The following THSD7B variants were observed in gnomAD, a reference collection of about 807,000 sequenced individuals.
THSD7B encodes the protein thrombospondin type-1 domain-containing protein 7B.
A neutral mutation model predicts 213.6 loss-of-function variants in THSD7B; 138 were observed. The observed-to-expected ratio is 0.65, with a 90% CI of 0.56 to 0.74. THSD7B has a LOEUF of 0.74. Ranked by LOEUF, THSD7B falls within the 30% of genes least tolerant of loss-of-function variation. The pLI is 0.00. For missense variants in THSD7B, 1,931 were observed against 1,991.5 expected (o/e 0.97, Z 0.58); for synonymous variants, 742 against 687.0 (o/e 1.08, Z -1.25).
At chr2:136,964,002 TTGTC>T (rs71923982) in intron 2 of THSD7B, among the ~76,000 whole-genome samples, 61,938 of 132,084 alleles carry the variant, frequency 0.47, 15,071 homozygotes, top group Non-Finnish European at 0.58. Context: ...ACCCAACTCT[TTGTC>T]TGTCCTCTAG....
chr2:136,957,915 A>G (rs1035324118), intron 2 of THSD7B, among the ~76,000 whole-genome samples: 2 of 152,202 alleles, frequency 1.3e-5, no homozygotes, highest in African/African-American at 4.8e-5. Context: ...TATGCTGCCT[A>G]TGTAAATCAG....
chr2:136,893,402 C>G (rs1359983757), intron 2 of THSD7B, among the ~76,000 whole-genome samples: 1 of 152,118 alleles, frequency 6.6e-6, no homozygotes, highest in African/African-American at 2.4e-5. Context: ...AAATGTCTCC[C>G]TGCACCTTTT....
At chr2:137,537,158 G>T (rs796363880) in intron 15 of THSD7B, among the ~76,000 whole-genome samples, 12 of 151,746 alleles carry the variant, frequency 7.9e-5, no homozygotes, top group African/African-American at 2.9e-4. Flanking sequence ...TCAAGCTTTG[G>T]TATTAATACT....
In THSD7B at chr2:137,438,224, T is replaced by C. The variant is rs181921076; in HGVS notation, c.2960-12621T>C. On this transcript the variant is annotated intron_variant, in intron 14 of 27. Coordinates refer to ENST00000409968, the MANE Select transcript of THSD7B (RefSeq NM_001316349.2). ...GTAACACCACAAGTAGTAAGTGTCCTGGTTGATTTTGAACTTAGGTCTTTA... is the reference window on the plus strand; with the variant it reads ...GTAACACCACAAGTAGTAAGTGTCCCGGTTGATTTTGAACTTAGGTCTTTA... Among the ~76,000 whole-genome samples the C allele has an allele frequency of 2.4e-3, 363 of 152,280 alleles. 1 individual carries two copies. Among genetic ancestry groups the C allele is most frequent in the African/African-American group, 7.9e-3 (327 of 41,572 alleles).
intron 3 of THSD7B, among the ~76,000 whole-genome samples, chr2:137,069,838 TATA>T (rs1168005632): frequency 6.6e-6 from 1 of 150,790 alleles, no homozygotes; most frequent in African/African-American, 2.4e-5. Context: ...ACTGTAAACA[TATA>T]TTACATATAA....
intron 2 of THSD7B, among the ~76,000 whole-genome samples, chr2:137,024,765 TCAA>T (rs1686514425): frequency 6.6e-6 from 1 of 152,162 alleles, no homozygotes; most frequent in African/African-American, 2.4e-5. Flanking sequence ...CTTCATCTCA[TCAA>T]ATAATACCTC....
At chr2:136,948,968 T>C (rs1292743200) in intron 2 of THSD7B, among the ~76,000 whole-genome samples, 1 of 152,106 alleles carries the variant, frequency 6.6e-6, no homozygotes, top group Non-Finnish European at 1.5e-5. Context: ...ATTGGTTTTT[T>C]AAAAAAAATT....
chr2:137,141,900 G>A (rs1400516229), intron 5 of THSD7B, among the ~76,000 whole-genome samples: 2 of 152,020 alleles, frequency 1.3e-5, no homozygotes, highest in Admixed American at 1.3e-4. Flanking sequence ...AAACATTCAT[G>A]TAGTAGATAC....
chr2:136,791,987 C>T (rs760689600), intron 1 of THSD7B, among the ~76,000 whole-genome samples: 14 of 151,946 alleles, frequency 9.2e-5, no homozygotes, highest in Middle Eastern at 3.2e-3. Flanking sequence ...TTTTACAATC[C>T]GACCAGCAGT....
At chr2:137,201,983 A>C (rs958418478) in intron 7 of THSD7B, among the ~76,000 whole-genome samples, 1 of 151,970 alleles carries the variant, frequency 6.6e-6, no homozygotes, top group African/African-American at 2.4e-5. Flanking sequence ...TTCCTTGTTA[A>C]TCTCTCAGGG....
At chr2:137,235,316 A>G (rs1433560654) in intron 9 of THSD7B, among the ~76,000 whole-genome samples, 1 of 152,202 alleles carries the variant, frequency 6.6e-6, no homozygotes, top group Non-Finnish European at 1.5e-5. Flanking sequence ...GCAGCAAACT[A>G]TTATTCTTTA....
rs55814718 is a variant in THSD7B, at chr2:136,825,718, A to ATTTTTTTTTTTTTTTTTTT, written c.-35-56410_-35-56409insTTTTTTTTTTTTTTTTTTT. On this transcript the variant is annotated intron_variant, in intron 1 of 27. Transcript: ENST00000409968. ...AGGTGCTCACTGCCATGCCTGGCTA[A>ATTTTTTTTTTTTTTTTTTT]TTTTTTTTTTTTTTTTAGATCTGGG... Among the ~76,000 whole-genome samples, 231 of 116,842 alleles carry ATTTTTTTTTTTTTTTTTTT rather than the reference A, an allele frequency of 2.0e-3. 17 individuals carry two copies. Among genetic ancestry groups the ATTTTTTTTTTTTTTTTTTT allele is most frequent in the East Asian group, 0.015 (42 of 2,726 alleles). 76.7% of individuals were successfully genotyped at this position (116,842 alleles called of 152,430 possible). A position where few individuals can be genotyped will look rare whatever the true frequency, so the allele number is the denominator to read the frequency against.
At chr2:136,878,925 A>T (rs13397019) in intron 1 of THSD7B, among the ~76,000 whole-genome samples, 3 of 151,936 alleles carry the variant, frequency 2.0e-5, no homozygotes, top group Non-Finnish European at 4.4e-5. Context: ...GTTTAATTAG[A>T]TCCCATTTGT....
intron 2 of THSD7B, among the ~76,000 whole-genome samples, chr2:136,933,219 G>A (rs1684664401): frequency 1.4e-5 from 2 of 147,864 alleles, no homozygotes; most frequent in African/African-American, 5.1e-5. Flanking sequence ...CAAGTTGTTT[G>A]GACTTGGAAA....
At chr2:137,063,957 A>G (rs569134952) in intron 3 of THSD7B, among the ~76,000 whole-genome samples, 27 of 152,210 alleles carry the variant, frequency 1.8e-4, no homozygotes, top group East Asian at 5.8e-4. Context: ...ACTATTGTGC[A>G]CAGTGCTCCA....
intron 15 of THSD7B, among the ~76,000 whole-genome samples, chr2:137,525,342 GA>G (rs1483300965): frequency 1.3e-5 from 2 of 152,156 alleles, no homozygotes; most frequent in African/African-American, 4.8e-5. Flanking sequence ...GATCATAACT[GA>G]GGTCGGAGCT....
At chr2:137,388,210 T>C (rs1224069842) in intron 12 of THSD7B, among the ~76,000 whole-genome samples, 1 of 151,624 alleles carries the variant, frequency 6.6e-6, no homozygotes, top group Non-Finnish European at 1.5e-5. Flanking sequence ...TTCCCAGGGC[T>C]CATGTACTAA....
chr2:137,265,796 G>T (rs367746948), intron 10 of THSD7B, among the ~76,000 whole-genome samples: 1 of 152,116 alleles, frequency 6.6e-6, no homozygotes, highest in African/African-American at 2.4e-5. Context: ...ATAATGTGTC[G>T]TACAAACCAA....
intron 1 of THSD7B, among the ~76,000 whole-genome samples, chr2:136,774,862 T>G (rs923010420): frequency 2.6e-5 from 4 of 152,126 alleles, no homozygotes; most frequent in Admixed American, 2.6e-4. Context: ...TCTTTTATTT[T>G]TATTTTTTTA....
Sources: allele counts gnomAD v4.1 joint callset (sites outside exome capture counted in the v4.1 genomes callset), GRCh38; gene constraint gnomAD v4.1.1; transcripts MANE v1.5; gene names NCBI Gene and HGNC (gene_info 2026-07-23, HGNC 2026-07-21).